The following SYNE2 variants were observed in gnomAD, a reference collection of about 807,000 sequenced individuals.
SYNE2 encodes the protein nesprin-2.
Under a neutral mutation model 856.3 loss-of-function variants are expected in SYNE2, and 431 were observed. That is an observed-to-expected ratio of 0.50 (90% CI 0.47 to 0.55). The LOEUF is 0.55. SYNE2 is among the 20% of genes least tolerant of loss of function. The pLI is 0.00. For missense variants in SYNE2, 8,129 were observed against 8,023.2 expected (o/e 1.01, Z -0.50); for synonymous variants, 2,923 against 2,872.3 (o/e 1.02, Z -0.56).
chr14:64,152,503 A>G, intron 84 of SYNE2, 61 bp from the exon 85 acceptor site: 2 of 1,562,952 alleles, frequency 1.3e-6, no homozygotes, highest in Non-Finnish European at 1.8e-6. Context: ...CCTGTCTCTG[A>G]CACCTTATTA....
intron 34 of SYNE2, among the ~76,000 whole-genome samples, chr14:64,018,036 A>G (rs566431173): frequency 6.6e-6 from 1 of 152,172 alleles, no homozygotes; most frequent in Non-Finnish European, 1.5e-5. Context: ...GATAACTATC[A>G]TGTAATTGTT....
At chr14:64,022,676 T>C in intron 37 of SYNE2, 75 bp from the exon 38 acceptor site, 1 of 827,554 alleles carries the variant, frequency 1.2e-6, no homozygotes, top group East Asian at 2.6e-5. Context: ...GGGAAACAAG[T>C]TTCAAAATCT....
chr14:64,027,918 A>AT (rs905006385), intron 43 of SYNE2, 125 bp downstream of exon 43: 6 of 857,918 alleles, frequency 7.0e-6, no homozygotes, highest in African/African-American at 6.9e-5. Context: ...ATTTTATTTT[A>AT]TTTTTTTGAG....
At chr14:64,046,910 C>T (rs2097190294) in intron 45 of SYNE2, among the ~76,000 whole-genome samples, 1 of 152,152 alleles carries the variant, frequency 6.6e-6, no homozygotes, top group Non-Finnish European at 1.5e-5. Context: ...ATCCTGAAGC[C>T]CTAGAAAGGG....
chr14:63,964,380 T>C (rs561253919), intron 10 of SYNE2, among the ~76,000 whole-genome samples: 2 of 152,360 alleles, frequency 1.3e-5, no homozygotes, highest in East Asian at 3.9e-4. Context: ...TGCCAGTCAC[T>C]ACTTTCACAC....
At chr14:63,925,404 T>C (rs1024730472) in intron 2 of SYNE2, among the ~76,000 whole-genome samples, 1 of 115,076 alleles carries the variant, frequency 8.7e-6, no homozygotes, top group African/African-American at 2.6e-5. Context: ...AGTAGTTGTA[T>C]ATATTTATGA....
intron 1 of SYNE2, among the ~76,000 whole-genome samples, chr14:63,794,122 A>G (rs1887834574): frequency 6.6e-6 from 1 of 152,230 alleles, no homozygotes; most frequent in African/African-American, 2.4e-5. Context: ...CAAATATATG[A>G]AGCAAAACTT....
chr14:64,209,819 C>G (rs1170770896), intron 102 of SYNE2, 123 bp from the exon 103 acceptor site: 19 of 1,349,492 alleles, frequency 1.4e-5, no homozygotes. Flanking sequence ...GTGAATTAGG[C>G]CCTCTGCTGC....
At chr14:64,129,475 T>C (rs1221135197) in intron 74 of SYNE2, among the ~76,000 whole-genome samples, 1 of 152,176 alleles carries the variant, frequency 6.6e-6, no homozygotes, top group East Asian at 1.9e-4. Context: ...GAGCTAGATA[T>C]GTGTATACCA....
chr14:64,178,459 T>A (rs1425452761), intron 96 of SYNE2, among the ~76,000 whole-genome samples: 1 of 152,212 alleles, frequency 6.6e-6, no homozygotes, highest in Non-Finnish European at 1.5e-5. Context: ...CAGTGTTGTT[T>A]GTTCGTTTGT....
chr14:63,935,963 C>T lies in SYNE2; in HGVS notation c.80-4651C>T, dbSNP rs192125838. Among the ~76,000 whole-genome samples, 645 of 152,346 alleles carry T rather than the reference C, an allele frequency of 4.2e-3. 8 individuals carry two copies. The highest frequency in any genetic ancestry group is 2.9e-3 in the Non-Finnish European group (200 of 68,028). ...AATCTTGGCTCACTGCAACCTCTCCCTGCCACATTCAAGCGATTCTCCTGC... is the reference window on the plus strand; with the variant it reads ...AATCTTGGCTCACTGCAACCTCTCCTTGCCACATTCAAGCGATTCTCCTGC... On this transcript the variant is annotated intron_variant, in intron 2 of 115. Transcript: ENST00000555002.
intron 99 of SYNE2, among the ~76,000 whole-genome samples, chr14:64,198,812 A>G (rs2098550134): frequency 6.6e-6 from 1 of 152,232 alleles, no homozygotes. Flanking sequence ...TTTCTTTAAA[A>G]ATCTAATTTG....
At position 64,081,327 on chromosome 14, in the gene SYNE2, A is replaced by T. The variant is rs1236516281; in HGVS notation, c.11347-116A>T. ...ATAAGTAGCCCCAGCCATGGGGAGC[A>T]GACATCTGCAAGGCCTGACACACCC... On this transcript the variant is annotated intron_variant, in intron 56 of 115. Transcript: ENST00000555002. 6 of 1,279,818 alleles carry T rather than the reference A, an allele frequency of 4.7e-6. No individual in the cohort carries two copies. The East Asian group carries it at 1.4e-4, about 30-fold the overall frequency. The allele number at this position is 1,279,818 out of a possible 1,614,324, so 79.3% of individuals were successfully genotyped here.
intron 82 of SYNE2, among the ~76,000 whole-genome samples, chr14:64,142,602 T>C (rs1187826812): frequency 6.6e-6 from 1 of 152,216 alleles, no homozygotes; most frequent in Non-Finnish European, 1.5e-5. Flanking sequence ...CATGATGCTA[T>C]TAGTAGCTCC....
chr14:63,998,134 T>A, intron 25 of SYNE2, 85 bp from the exon 26 acceptor site: 2 of 972,048 alleles, frequency 2.1e-6, no homozygotes, highest in Non-Finnish European at 3.3e-6. Flanking sequence ...GAATCAATGA[T>A]ACATTTTTGA....
rs147074330 is a variant in SYNE2, at chr14:63,845,307, T to C, written c.-304-7194T>C. 3.5e-4 allele frequency among the ~76,000 whole-genome samples: 53 copies of C among 152,052 alleles called. No homozygotes were observed. The East Asian group carries it at 4.1e-3, about 12-fold the overall frequency. ...GGTGGGCACCTGTAATCCCAGCTAC[T>C]TGGGAGGCTGAGGCAGGAGAATCAC... On this transcript the variant is annotated intron_variant, in intron 1 of 23. Transcript: ENST00000674003.
intron 45 of SYNE2, among the ~76,000 whole-genome samples, chr14:64,038,561 C>G (rs1331851789): frequency 6.6e-6 from 1 of 152,332 alleles, no homozygotes; most frequent in South Asian, 2.1e-4. Context: ...CATTGAGCAC[C>G]GAGTGAACTA....
At chr14:64,035,229 G>A (rs1414160369) in intron 45 of SYNE2, among the ~76,000 whole-genome samples, 1 of 151,896 alleles carries the variant, frequency 6.6e-6, no homozygotes, top group Non-Finnish European at 1.5e-5. Context: ...TCTAGCTGTG[G>A]GTGAGTGACC....
At chr14:63,961,734 A>AG in intron 9 of SYNE2, 109 bp downstream of exon 9, 1 of 775,232 alleles carries the variant, frequency 1.3e-6, no homozygotes, top group Non-Finnish European at 2.2e-6. Context: ...GTACAGTTTA[A>AG]TGAGCATACA....
Sources: gnomAD v4.1 joint callset for allele counts (sites outside exome capture counted in the v4.1 genomes callset) on GRCh38, gnomAD v4.1.1 for gene constraint, MANE v1.5 for transcripts, NCBI Gene and HGNC (gene_info 2026-07-23, HGNC 2026-07-21) for gene names.